Variants in CHAMP1 observed in about 807,000 individuals in gnomAD.
CHAMP1 encodes the protein chromosome alignment-maintaining phosphoprotein 1.
Under a neutral mutation model 54.5 loss-of-function variants are expected in CHAMP1, and 4 were observed. The observed-to-expected ratio is 0.07, with a 90% CI of 0.04 to 0.17. CHAMP1 has a LOEUF of 0.17. Among genes scored for constraint, CHAMP1 ranks in the 10% least tolerant of loss-of-function variants. The pLI, the probability that CHAMP1 is intolerant of heterozygous loss-of-function variation, is 1.00. For synonymous variants in CHAMP1, 368 were observed against 342.2 expected (o/e 1.08, Z -0.83); for missense variants, 994 against 968.6 (o/e 1.03, Z -0.35).
At chr13:114,321,724 A>G (rs1273123678) in intron 2 of CHAMP1, among the ~76,000 whole-genome samples, 1 of 152,070 alleles carries the variant, frequency 6.6e-6, no homozygotes, top group Admixed American at 6.6e-5. Flanking sequence ...TTATTTTTCC[A>G]TGCATTCAAT....
chr13:114,316,587 C>G (rs544570658), intron 1 of CHAMP1, among the ~76,000 whole-genome samples: 38 of 150,824 alleles, frequency 2.5e-4, no homozygotes, highest in African/African-American at 9.0e-4. Context: ...GAGACTCCCT[C>G]TCAAAAAAAA....
intron 1 of CHAMP1, among the ~76,000 whole-genome samples, chr13:114,318,408 T>C (rs1313773380): frequency 6.6e-6 from 1 of 151,894 alleles, no homozygotes; most frequent in Non-Finnish European, 1.5e-5. Context: ...CTGCAACTCC[T>C]GCCTCTCAGG....
intron 2 of CHAMP1, chr13:114,323,131 C>T (rs1414821650): frequency 5.3e-5 from 8 of 152,248 alleles, no homozygotes; most frequent in African/African-American, 1.2e-4. Flanking sequence ...AACTCATGAA[C>T]GCCATATTGC....
chr13:114,314,533 T>G lies in CHAMP1; in HGVS notation c.-289T>G, dbSNP rs1264794012. On this transcript the variant is annotated 5_prime_UTR_variant, in exon 1 of 3. Coordinates refer to ENST00000361283, the MANE Select transcript of CHAMP1 (RefSeq NM_032436.4). ...CCCGGATCCCGGCTCCTGCATCCAG[T>G]CGCCATTCGGGAGGCCGCTGCGCTG... 6.6e-6 allele frequency: 1 copy of G among 151,586 alleles called. No homozygotes were observed. Among genetic ancestry groups the G allele is most frequent in the Non-Finnish European group, 1.5e-5 (1 of 67,822 alleles). 9.4% of individuals were successfully genotyped at this position (151,586 alleles called of 1,614,324 possible).
chr13:114,320,962 A>AAAAAAAAAAAAAAAAAAG (rs1555379039), intron 1 of CHAMP1, 148 bp from the exon 2 acceptor site: 2 of 152,242 alleles, frequency 1.3e-5, no homozygotes, highest in African/African-American at 4.8e-5. Flanking sequence ...TCTCAAAAAA[A>AAAAAAAAAAAAAAAAAAG]AAAAAAGTAA....
intron 2 of CHAMP1, among the ~76,000 whole-genome samples, chr13:114,321,765 G>T (rs190474001): frequency 3.7e-4 from 57 of 152,190 alleles, no homozygotes; most frequent in Admixed American, 9.2e-4. Flanking sequence ...CATTTTCAGA[G>T]ATTTTTCATC....
At chr13:114,318,316 T>TC (rs1443231644) in intron 1 of CHAMP1, among the ~76,000 whole-genome samples, 2 of 151,908 alleles carry the variant, frequency 1.3e-5, no homozygotes, top group African/African-American at 2.4e-5. Flanking sequence ...ATCATCATTT[T>TC]TTTTTTTTTT....
Position 114,324,730 on chromosome 13 carries a change from C to T in CHAMP1, c.888C>T (p.Val296=), listed in dbSNP as rs782499271. 8 of 1,613,902 alleles carry T rather than the reference C, an allele frequency of 5.0e-6. No homozygotes were observed. The highest frequency in any genetic ancestry group is 1.7e-4 in the Middle Eastern group (1 of 6,060). The change falls in exon 3 of 3, where the codon GTC becomes GTT. Residue 296 remains valine, a synonymous_variant. Coordinates refer to ENST00000361283, the MANE Select transcript of CHAMP1 (RefSeq NM_032436.4). The part of the protein sequence containing the change: ...SPEPWKPFPA[V]SPEPRRPAPA... ...AACCTTGGAAGCCGTTCCCTGCTGTCTCCCCAGAGCCTAGGAGACCAGCCC... is the reference window on the plus strand; with the variant it reads ...AACCTTGGAAGCCGTTCCCTGCTGTTTCCCCAGAGCCTAGGAGACCAGCCC...
Position 114,324,333 on chromosome 13 carries a change from C to G in CHAMP1, c.491C>G (p.Ser164Cys). Reference sequence around the variant, plus strand: ...CCTCAGAAACCTGGCTCTGTTGTTTCTCCTGAGCTACAGACACCTCTTCCT... The same window carrying G: ...CCTCAGAAACCTGGCTCTGTTGTTTGTCCTGAGCTACAGACACCTCTTCCT... The part of the protein sequence containing the change: ...LEPQKPGSVV[S>C]PELQTPLPSP... Residue 164 changes from serine (S) to cysteine (C), a missense_variant, in exon 3 of 3, where the codon TCT (serine) becomes TGT (cysteine). Ser to Cys is a moderately radical substitution (Grantham distance 112). This residue lies in a region of CHAMP1 where 851 missense variants were observed against 701.3 expected (regional missense o/e 1.21). Coordinates refer to ENST00000361283, the MANE Select transcript of CHAMP1 (RefSeq NM_032436.4). 2.5e-6 allele frequency: 4 copies of G among 1,614,136 alleles called. No homozygotes were observed. Among genetic ancestry groups the G allele is most frequent in the Non-Finnish European group, 3.4e-6 (4 of 1,180,022 alleles).
At position 114,326,217 on chromosome 13, in the gene CHAMP1, A is replaced by T. The variant is rs782738856; in HGVS notation, c.2375A>T (p.Asn792Ile). 1.3e-6 allele frequency: 2 copies of T among 1,599,858 alleles called. No individual in the cohort carries two copies. The highest frequency in any genetic ancestry group is 4.5e-5 in the East Asian group (2 of 44,722). The change falls in exon 3 of 3, where the codon AAT (asparagine) becomes ATT (isoleucine). Residue 792 changes from asparagine to isoleucine, a missense_variant. Transcript: ENST00000361283. Reference protein sequence around the residue: ...KHLTHCQSRHNEEANKKLMEA... With the variant: ...KHLTHCQSRHIEEANKKLMEA... ...TTAACTCATTGTCAAAGCCGGCATA[A>T]TGAAGAGGCAAATAAAAAGCTAATG...
At position 114,323,697 on chromosome 13, in the gene CHAMP1, A is replaced by G. The variant is rs2087200735; in HGVS notation, c.-55-91A>G. The G allele has an allele frequency of 3.8e-6, 4 of 1,066,638 alleles. No homozygotes were observed. In the Admixed American group the frequency reaches 1.1e-4, roughly 30 times the overall value. The allele number at this position is 1,066,638 out of a possible 1,614,324, so 66.1% of individuals were successfully genotyped here. The stretch of plus-strand genomic sequence containing the variant: ...TATCAAATAAAGCACGCACTGTTCT[A>G]GACTTAAAATTATGCAGTTATAGAA... On this transcript the variant is annotated intron_variant, in intron 2 of 2. Coordinates refer to ENST00000361283, the MANE Select transcript of CHAMP1 (RefSeq NM_032436.4).
intron 1 of CHAMP1, among the ~76,000 whole-genome samples, chr13:114,315,735 G>T (rs2087089027): frequency 6.6e-6 from 1 of 152,130 alleles, no homozygotes; most frequent in African/African-American, 2.4e-5. Flanking sequence ...TCTGTTTGTG[G>T]TGAAGAAGTT....
In CHAMP1 at chr13:114,325,058, C is replaced by T. The variant is rs1417690055; in HGVS notation, c.1216C>T (p.Pro406Ser). ...ELRKTAPTLS[P>S]EHWKAVPPVS... ...CCGAAAGACAGCTCCCACGTTGTCT[C>T]CTGAACATTGGAAGGCAGTTCCCCC... is the stretch of plus-strand genomic sequence containing the variant. The change falls in exon 3 of 3, where the codon CCT becomes TCT. Residue 406 changes from proline to serine, a missense_variant. Pro to Ser is a moderately conservative substitution (Grantham distance 74). This residue lies in a region of CHAMP1 where 851 missense variants were observed against 701.3 expected (regional missense o/e 1.21). Transcript: ENST00000361283. 2.4e-5 allele frequency: 39 copies of T among 1,614,034 alleles called. No individual in the cohort carries two copies. Among genetic ancestry groups the T allele is most frequent in the Non-Finnish European group, 3.1e-5 (36 of 1,180,046 alleles).
intron 1 of CHAMP1, among the ~76,000 whole-genome samples, chr13:114,315,190 A>C (rs1431354231): frequency 6.6e-6 from 1 of 152,192 alleles, no homozygotes; most frequent in African/African-American, 2.4e-5. Context: ...AACATCACTA[A>C]CCATTAAGGA....
At chr13:114,318,314 T>C (rs1382633212) in intron 1 of CHAMP1, among the ~76,000 whole-genome samples, 1 of 140,264 alleles carries the variant, frequency 7.1e-6, no homozygotes, top group Non-Finnish European at 1.5e-5. Context: ...TGATCATCAT[T>C]TTTTTTTTTT....
rs1291774186 is a variant in CHAMP1, at chr13:114,324,822, C to T, written c.980C>T (p.Pro327Leu). Residue 327 changes from proline (P) to leucine (L), a missense_variant, in exon 3 of 3, where the codon CCT becomes CTT. Physicochemically the swap from Pro to Leu is moderately conservative, Grantham distance 98. Coordinates refer to ENST00000361283, the MANE Select transcript of CHAMP1 (RefSeq NM_032436.4). Reference protein sequence around the residue: ...PGSPRPWKSNPSASSGPWKPA... With the variant: ...PGSPRPWKSNLSASSGPWKPA... ...TCCCCTAGGCCTTGGAAATCCAATC[C>T]TTCAGCATCATCAGGACCTTGGAAG... The T allele has an allele frequency of 6.2e-7, 1 of 1,614,136 alleles. No individual in the cohort carries two copies. Among genetic ancestry groups the T allele is most frequent in the Non-Finnish European group, 8.5e-7 (1 of 1,179,990 alleles).
chr13:114,322,099 G>C (rs929440810), intron 2 of CHAMP1: 3 of 147,902 alleles, frequency 2.0e-5, no homozygotes, highest in African/African-American at 7.6e-5. Context: ...GGAATGCAGC[G>C]GCATGATCTC....
At position 114,323,822 on chromosome 13, in the gene CHAMP1, G is replaced by C. The variant is rs202129100; in HGVS notation, c.-21G>C. 0.012 allele frequency: 18,565 copies of C among 1,573,216 alleles called. 128 individuals carry two copies. Among genetic ancestry groups the C allele is most frequent in the Non-Finnish European group, 0.014 (16,442 of 1,159,930 alleles). On this transcript the variant is annotated 5_prime_UTR_variant, in exon 3 of 3. Coordinates refer to ENST00000361283, the MANE Select transcript of CHAMP1 (RefSeq NM_032436.4). ...AAGTTTTTAAAGAATATAACCGTGT[G>C]TGTTGGTAACAGACAGAAGAATGGA...
At chr13:114,315,121 A>C (rs1271470113) in intron 1 of CHAMP1, among the ~76,000 whole-genome samples, 1 of 152,226 alleles carries the variant, frequency 6.6e-6, no homozygotes, top group Non-Finnish European at 1.5e-5. Context: ...AAGGAATTTG[A>C]ATAGATATTT....
Sources: gnomAD v4.1 joint callset for allele counts (sites outside exome capture counted in the v4.1 genomes callset) on GRCh38, gnomAD v4.1.1 for gene constraint, gnomAD v4.1.1 regional missense constraint, MANE v1.5 for transcripts, NCBI Gene and HGNC (gene_info 2026-07-23, HGNC 2026-07-21) for gene names.